GRIN3A: variants seen among roughly 807,000 people sequenced by gnomAD.
GRIN3A encodes the protein glutamate ionotropic receptor NMDA type subunit 3A, also known as glutamate receptor ionotropic, NMDA 3A.
A neutral mutation model predicts 92.4 loss-of-function variants in GRIN3A; 47 were observed. The observed-to-expected ratio is 0.51, with a 90% CI of 0.40 to 0.65. The LOEUF (loss-of-function observed/expected upper bound fraction) is 0.65, where lower values mean the gene tolerates loss of function less well. GRIN3A is among the 30% of genes least tolerant of loss of function. The pLI, the probability that GRIN3A is intolerant of heterozygous loss-of-function variation, is 0.00. For synonymous variants in GRIN3A, 527 were observed against 540.6 expected, an observed-to-expected ratio of 0.97 and a Z score of 0.35; for missense variants, 1,324 against 1,393.1, an observed-to-expected ratio of 0.95 and a Z score of 0.79.
intron 5 of GRIN3A, 125 bp from the exon 6 acceptor site, chr9:101,613,652 T>A: frequency 1.2e-6 from 1 of 860,824 alleles, no homozygotes; most frequent in Non-Finnish European, 1.9e-6. Flanking sequence ...TCATCAACTT[T>A]CTTTCAAAGC....
intron 3 of GRIN3A, among the ~76,000 whole-genome samples, chr9:101,635,250 G>T (rs924147764): frequency 2.0e-5 from 3 of 150,448 alleles, no homozygotes; most frequent in Admixed American, 1.3e-4. Context: ...GTAGGGACTA[G>T]AGGTCAGCAA....
chr9:101,651,718 A>G (rs925584797), intron 3 of GRIN3A, among the ~76,000 whole-genome samples: 4 of 151,434 alleles, frequency 2.6e-5, no homozygotes, highest in Admixed American at 6.6e-5. Flanking sequence ...GAGGGTTATT[A>G]TAAGTCTGTA....
At position 101,671,025 on chromosome 9, in the gene GRIN3A, A is replaced by C. The variant is rs755380626; in HGVS notation, c.1387T>G (p.Phe463Val). The change falls in exon 3 of 9, where the codon TTT becomes GTT. Residue 463 changes from phenylalanine (F) to valine (V), a missense_variant. Transcript: ENST00000361820. ...GSTIVSSENN[F>V]FIWNLQHDPM... ...TCATGTTGAAGATTCCAGATGAAAAAGTTGTTTTCTGAGCTGACGATGGTG... is the reference window on the plus strand; with the variant it reads ...TCATGTTGAAGATTCCAGATGAAAACGTTGTTTTCTGAGCTGACGATGGTG... 1.9e-6 allele frequency: 3 copies of C among 1,613,944 alleles called. No homozygotes were observed. The highest frequency in any genetic ancestry group is 1.7e-5 in the Admixed American group (1 of 60,006).
At chr9:101,581,998 T>C (rs1019442615) in intron 6 of GRIN3A, among the ~76,000 whole-genome samples, 1 of 152,212 alleles carries the variant, frequency 6.6e-6, no homozygotes, top group Admixed American at 6.5e-5. Context: ...AGAAGTTCAA[T>C]AACTTGTCCA....
At chr9:101,589,691 GTTATA>G (rs1420586716) in intron 6 of GRIN3A, among the ~76,000 whole-genome samples, 2 of 151,312 alleles carry the variant, frequency 1.3e-5, no homozygotes, top group Non-Finnish European at 2.9e-5. Flanking sequence ...TCTTTGTTTT[GTTATA>G]TTTTATTATA....
intron 1 of GRIN3A, among the ~76,000 whole-genome samples, chr9:101,698,823 C>A (rs1050572987): frequency 6.6e-6 from 1 of 151,922 alleles, no homozygotes; most frequent in African/African-American, 2.4e-5. Flanking sequence ...TGCGAGCCAC[C>A]ACGCCTGGCT....
intron 6 of GRIN3A, among the ~76,000 whole-genome samples, chr9:101,609,167 G>C (rs1828325011): frequency 6.6e-6 from 1 of 152,156 alleles, no homozygotes; most frequent in Admixed American, 6.5e-5. Flanking sequence ...AATCCATCAT[G>C]GTGAACCCAT....
At chr9:101,678,560 C>A (rs573861606) in intron 2 of GRIN3A, among the ~76,000 whole-genome samples, 1 of 152,134 alleles carries the variant, frequency 6.6e-6, no homozygotes, top group East Asian at 1.9e-4. Flanking sequence ...CATATATGTA[C>A]ACATATATGA....
At chr9:101,582,532 C>T (rs540889127) in intron 6 of GRIN3A, among the ~76,000 whole-genome samples, 110 of 152,284 alleles carry the variant, frequency 7.2e-4, no homozygotes, top group South Asian at 1.9e-3. Context: ...TAGGGATTTT[C>T]CTGGGACATC....
At chr9:101,681,428 A>G (rs1324955627) in intron 2 of GRIN3A, among the ~76,000 whole-genome samples, 1 of 152,232 alleles carries the variant, frequency 6.6e-6, no homozygotes, top group Non-Finnish European at 1.5e-5. Context: ...AGCTTGGCAT[A>G]CAAACTCTGT....
chr9:101,648,603 G>T (rs1161376834), intron 3 of GRIN3A, among the ~76,000 whole-genome samples: 2 of 151,936 alleles, frequency 1.3e-5, no homozygotes, highest in African/African-American at 4.8e-5. Context: ...TCTCCCTTTA[G>T]TTCTATTAAT....
chr9:101,627,727 G>T (rs1385344506), intron 4 of GRIN3A, among the ~76,000 whole-genome samples: 1 of 152,130 alleles, frequency 6.6e-6, no homozygotes, highest in Non-Finnish European at 1.5e-5. Flanking sequence ...TCTCATGATT[G>T]CTTCTCATAA....
chr9:101,603,798 G>A (rs1246352053), intron 6 of GRIN3A, among the ~76,000 whole-genome samples: 2 of 152,192 alleles, frequency 1.3e-5, no homozygotes, highest in South Asian at 2.1e-4. Flanking sequence ...CAGTGTCTTC[G>A]AAGGGCAAGG....
intron 1 of GRIN3A, among the ~76,000 whole-genome samples, chr9:101,709,885 C>G (rs1413606296): frequency 6.6e-6 from 1 of 152,204 alleles, no homozygotes; most frequent in Non-Finnish European, 1.5e-5. Flanking sequence ...TTATGAAAGA[C>G]TCAGAGAATG....
At chr9:101,712,641 A>G (rs564095037) in intron 1 of GRIN3A, among the ~76,000 whole-genome samples, 2 of 152,332 alleles carry the variant, frequency 1.3e-5, no homozygotes, top group South Asian at 2.1e-4. Flanking sequence ...CCAGTAAAAT[A>G]TCAAATAAGA....
intron 2 of GRIN3A, among the ~76,000 whole-genome samples, chr9:101,676,827 T>A (rs1397951711): frequency 6.6e-6 from 1 of 151,822 alleles, no homozygotes; most frequent in Non-Finnish European, 1.5e-5. Flanking sequence ...CCTTATCATT[T>A]GAGACAAAGG....
chr9:101,621,372 G>A (rs1420336811), intron 5 of GRIN3A, among the ~76,000 whole-genome samples: 6 of 151,826 alleles, frequency 4.0e-5, no homozygotes, highest in Middle Eastern at 3.2e-3. Flanking sequence ...ACATTGTTTC[G>A]TGTAATTTAT....
intron 1 of GRIN3A, among the ~76,000 whole-genome samples, chr9:101,725,497 A>G (rs1830072862): frequency 6.6e-6 from 1 of 152,222 alleles, no homozygotes; most frequent in African/African-American, 2.4e-5. Flanking sequence ...TAAGAGAAAA[A>G]CACTTTTTCA....
Position 101,686,940 on chromosome 9 carries a change from G to C in GRIN3A, c.960C>G (p.Asn320Lys). 1 of 1,614,212 alleles carries C rather than the reference G, an allele frequency of 6.2e-7. No homozygotes were observed. Among genetic ancestry groups the C allele is most frequent in the Non-Finnish European group, 8.5e-7 (1 of 1,180,038 alleles). The change falls in exon 2 of 9, where the codon AAC becomes AAG. Residue 320 changes from asparagine (N) to lysine (K), a missense_variant. Coordinates refer to ENST00000361820, the MANE Select transcript of GRIN3A (RefSeq NM_133445.3). ...FLQIQLESIK[N>K]STPTVVMFGC... ...CAAACATCACCACTGTGGGTGTGCT[G>C]TTCTTAATACTCTCAAGCTGGATCT...
Sources: allele counts gnomAD v4.1 joint callset (sites outside exome capture counted in the v4.1 genomes callset), GRCh38; gene constraint gnomAD v4.1.1; transcripts MANE v1.5; gene names NCBI Gene and HGNC (gene_info 2026-07-23, HGNC 2026-07-21).